Variants in TYW3 observed in about 807,000 individuals in gnomAD.
TYW3 encodes the protein tRNA-yW synthesizing protein 3 homolog.
Under a neutral mutation model 23.1 loss-of-function variants are expected in TYW3, and 26 were observed. The ratio of observed to expected loss-of-function variants is 1.13; its 90% CI spans 0.83 to 1.56. The LOEUF (loss-of-function observed/expected upper bound fraction) is 1.56. TYW3 is among the 40% of genes most tolerant of loss of function. The pLI is 0.00. For synonymous variants in TYW3, 102 were observed against 105.7 expected, an observed-to-expected ratio of 0.97 and a Z score of 0.21; for missense variants, 316 against 311.9, an observed-to-expected ratio of 1.01 and a Z score of -0.10.
chr1:74,763,975 AT>A lies in TYW3; in HGVS notation c.643del (p.Ser215HisfsTer34). 1 of 1,610,994 alleles carries A rather than the reference AT, an allele frequency of 6.2e-7. No homozygotes were observed. Among genetic ancestry groups the A allele is most frequent in the Non-Finnish European group, 8.5e-7 (1 of 1,179,110 alleles). On this transcript the variant is annotated frameshift_variant, in exon 6 of 6. Transcript: ENST00000370867. LOFTEE classifies it low-confidence loss of function (END_TRUNC). ...HPKIKEKNNS[S>X]YIHKKKRNPE... ...CCAAGATCAAAGAGAAAAATAACTC[AT>A]CATATATTCATAAGAAAAAAAGAAA...
chr1:74,743,497 G>A (rs1648436565), intron 3 of TYW3, among the ~76,000 whole-genome samples: 1 of 152,142 alleles, frequency 6.6e-6, no homozygotes, highest in Non-Finnish European at 1.5e-5. Flanking sequence ...TCGGGTGACA[G>A]GGGAGTATAT....
intron 5 of TYW3, 141 bp downstream of exon 5, chr1:74,752,566 A>G: frequency 2.6e-6 from 2 of 782,042 alleles, no homozygotes; most frequent in Non-Finnish European, 3.7e-6. Context: ...TATCATTAAT[A>G]ATAAAAAGAT....
In TYW3 at chr1:74,765,176, T is replaced by C. The variant is rs1386441560; in HGVS notation, c.*1063T>C. On this transcript the variant is annotated 3_prime_UTR_variant, in exon 6 of 6. Coordinates refer to ENST00000370867, the MANE Select transcript of TYW3 (RefSeq NM_138467.3). ...GTCCAGCACTTTTAGAACCCACTGA[T>C]AACAGACTTATTCCTGGAGACAGCA... 1.3e-5 allele frequency: 2 copies of C among 152,146 alleles called. No homozygotes were observed. The highest frequency in any genetic ancestry group is 4.8e-5 in the African/African-American group (2 of 41,458). The allele number at this position is 152,146 out of a possible 1,614,324, so 9.4% of individuals were successfully genotyped here. A position where few individuals can be genotyped will look rare whatever the true frequency, so the allele number is the denominator to read the frequency against.
intron 2 of TYW3, among the ~76,000 whole-genome samples, chr1:74,736,842 G>T (rs1648171766): frequency 6.6e-6 from 1 of 152,040 alleles, no homozygotes; most frequent in Admixed American, 6.5e-5. Flanking sequence ...ACATCCTCTT[G>T]GACACAGCAG....
intron 3 of TYW3, among the ~76,000 whole-genome samples, chr1:74,739,689 T>C (rs1478836572): frequency 1.3e-5 from 2 of 152,240 alleles, no homozygotes; most frequent in African/African-American, 4.8e-5. Flanking sequence ...GGAAAAGTTA[T>C]TGAAGGGACA....
At chr1:74,751,637 T>G (rs1185438174) in intron 4 of TYW3, among the ~76,000 whole-genome samples, 1 of 150,868 alleles carries the variant, frequency 6.6e-6, no homozygotes, top group Non-Finnish European at 1.5e-5. Flanking sequence ...ACCATTGCAC[T>G]CCAGCCGGGG....
In TYW3 at chr1:74,764,279, T is replaced by A; in HGVS notation, c.*166T>A. ...TTGTTGCCCAGAGGATGTGCAGTTG[T>A]CATCTAAGCTCTCAGCAGTACCCGG... On this transcript the variant is annotated 3_prime_UTR_variant, in exon 6 of 6. Coordinates refer to ENST00000370867, the MANE Select transcript of TYW3 (RefSeq NM_138467.3). 1 of 577,824 alleles carries A rather than the reference T, an allele frequency of 1.7e-6. No homozygotes were observed. The highest frequency in any genetic ancestry group is 2.9e-5 in the East Asian group (1 of 34,120). 35.8% of individuals were successfully genotyped at this position (577,824 alleles called of 1,614,324 possible).
At chr1:74,755,068 A>C (rs1447449854) in intron 5 of TYW3, among the ~76,000 whole-genome samples, 1 of 152,248 alleles carries the variant, frequency 6.6e-6, no homozygotes, top group Non-Finnish European at 1.5e-5. Flanking sequence ...TAATGAGAAA[A>C]TATTACATAA....
chr1:74,760,330 CT>C (rs1441771774), intron 5 of TYW3, among the ~76,000 whole-genome samples: 1 of 152,120 alleles, frequency 6.6e-6, no homozygotes, highest in Admixed American at 6.5e-5. Flanking sequence ...GTAAGTGGAC[CT>C]GTGTAGTTCA....
chr1:74,738,094 A>T (rs1398335854), intron 2 of TYW3, among the ~76,000 whole-genome samples: 1 of 149,050 alleles, frequency 6.7e-6, no homozygotes, highest in Non-Finnish European at 1.5e-5. Context: ...GCAAAAACAA[A>T]CAAGTGAACA....
Position 74,764,109 on chromosome 1 carries a change from A to AAG in TYW3, c.776_777insAG (p.Tyr259Ter), listed in dbSNP as rs1649220834. 7 of 1,607,026 alleles carry AAG rather than the reference A, an allele frequency of 4.4e-6. No individual in the cohort carries two copies. The East Asian group carries it at 1.6e-4, about 36-fold the overall frequency. The change falls in exon 6 of 6, where the codon TAC becomes TAAGC. Residue 259 changes from tyrosine (Y) to a stop codon, truncating the protein, a stop_gained and frameshift_variant. Transcript: ENST00000370867. LOFTEE classifies it high-confidence loss of function. ...AATGTTACCATCTTCCCTGAAGATT[A>AAG]CTAAGCTTTGGTTCTGATGTGTCTT... The part of the protein sequence containing the change: ...GINVTIFPED[Y>*]
chr1:74,752,249 G>C (rs890262568), intron 4 of TYW3, 43 bp from the exon 5 acceptor site: 16 of 1,542,282 alleles, frequency 1.0e-5, no homozygotes, highest in Non-Finnish European at 1.2e-5. Context: ...TTCAGTTTCT[G>C]TGGTATCTAA....
Position 74,764,119 on chromosome 1 carries a change from G to T in TYW3, c.*6G>T. 1 of 1,603,146 alleles carries T rather than the reference G, an allele frequency of 6.2e-7. No homozygotes were observed. The highest frequency in any genetic ancestry group is 1.1e-5 in the South Asian group (1 of 88,858). ...TCTTCCCTGAAGATTACTAAGCTTTGGTTCTGATGTGTCTTGGCCGTAATG... is the reference window on the plus strand; with the variant it reads ...TCTTCCCTGAAGATTACTAAGCTTTTGTTCTGATGTGTCTTGGCCGTAATG... On this transcript the variant is annotated 3_prime_UTR_variant, in exon 6 of 6. Transcript: ENST00000370867.
At chr1:74,747,744 C>A (rs913117745) in intron 3 of TYW3, among the ~76,000 whole-genome samples, 1 of 150,704 alleles carries the variant, frequency 6.6e-6, no homozygotes, top group African/African-American at 2.5e-5. Context: ...TATACACACA[C>A]ATATATGTAT....
intron 5 of TYW3, among the ~76,000 whole-genome samples, chr1:74,758,905 G>A (rs1052124279): frequency 6.6e-6 from 1 of 152,138 alleles, no homozygotes; most frequent in African/African-American, 2.4e-5. Flanking sequence ...GCTCACAGTA[G>A]AAGCCCAAGA....
At chr1:74,758,005 C>A (rs866737734) in intron 5 of TYW3, among the ~76,000 whole-genome samples, 1 of 152,174 alleles carries the variant, frequency 6.6e-6, no homozygotes, top group South Asian at 2.1e-4. Context: ...TCTTTATCAG[C>A]AGCACGAAAA....
Position 74,733,348 on chromosome 1 carries a change from A to G in TYW3, c.104A>G (p.Gln35Arg), listed in dbSNP as rs765596470. ...GACGAGGATGTGGTAGAGCTTGTGC[A>G]GTTTCTGAACATGCGAGATCAGTTT... ...SVDEDVVELVQFLNMRDQFFT... is the reference protein window; with the variant it reads ...SVDEDVVELVRFLNMRDQFFT... The change falls in exon 1 of 6, where the codon CAG becomes CGG. Residue 35 changes from glutamine to arginine, a missense_variant. Gln to Arg is a conservative substitution (Grantham distance 43). Transcript: ENST00000370867. 1 of 1,614,098 alleles carries G rather than the reference A, an allele frequency of 6.2e-7. No individual in the cohort carries two copies. Among genetic ancestry groups the G allele is most frequent in the East Asian group, 2.2e-5 (1 of 44,898 alleles).
chr1:74,733,437 T>G lies in TYW3; in HGVS notation c.174+19T>G. On this transcript the variant is annotated intron_variant, in intron 1 of 5. Coordinates refer to ENST00000370867, the MANE Select transcript of TYW3 (RefSeq NM_138467.3). The stretch of plus-strand genomic sequence containing the variant: ...TGACCGGGTGAGGCCCCTTTGCGCC[T>G]GTCCATCGCCTGCCTTCTAGTGCGA... 6.2e-7 allele frequency: 1 copy of G among 1,613,164 alleles called. No homozygotes were observed. The highest frequency in any genetic ancestry group is 8.5e-7 in the Non-Finnish European group (1 of 1,179,502).
At chr1:74,755,847 G>C (rs1648933803) in intron 5 of TYW3, among the ~76,000 whole-genome samples, 2 of 152,182 alleles carry the variant, frequency 1.3e-5, no homozygotes, top group Admixed American at 1.3e-4. Context: ...ATAGTGATAT[G>C]GTTTGGCTTT....
Sources: allele counts gnomAD v4.1 joint callset (sites outside exome capture counted in the v4.1 genomes callset), GRCh38; gene constraint gnomAD v4.1.1; transcripts MANE v1.5; gene names NCBI Gene and HGNC (gene_info 2026-07-23, HGNC 2026-07-21).